Variants in PKIB observed in about 807,000 individuals in gnomAD.
PKIB encodes the protein PKI-beta.
Under a neutral mutation model 4.5 loss-of-function variants are expected in PKIB, and 2 were observed. The observed-to-expected ratio is 0.44, with a 90% CI of 0.18 to 1.39. PKIB has a LOEUF of 1.39. Among genes scored for constraint, PKIB ranks in the 40% most tolerant of loss-of-function variants. PKIB has a pLI of 0.27. For missense variants in PKIB, 94 were observed against 92.6 expected (o/e 1.02, Z -0.06); for synonymous variants, 38 against 36.0 (o/e 1.06, Z -0.20).
At chr6:122,482,309 A>G (rs890050603) in intron 2 of PKIB, 2 of 152,288 alleles carry the variant, frequency 1.3e-5, no homozygotes, top group Non-Finnish European at 2.9e-5. Context: ...GGGAGCTAGC[A>G]CTGAGAAAGG....
intron 2 of PKIB, among the ~76,000 whole-genome samples, chr6:122,533,544 C>T (rs550398434): frequency 5.9e-5 from 9 of 152,282 alleles, no homozygotes; most frequent in Admixed American, 3.9e-4. Flanking sequence ...ATGATTTTCT[C>T]TATTGTCTCA....
At chr6:122,518,204 TA>T (rs1157139416) in intron 2 of PKIB, among the ~76,000 whole-genome samples, 3 of 152,318 alleles carry the variant, frequency 2.0e-5, no homozygotes, top group Non-Finnish European at 4.4e-5. Context: ...CCCAACCATT[TA>T]AAAATGTAAA....
At chr6:122,500,618 A>G (rs912081115) in intron 2 of PKIB, among the ~76,000 whole-genome samples, 1 of 152,212 alleles carries the variant, frequency 6.6e-6, no homozygotes, top group African/African-American at 2.4e-5. Flanking sequence ...ATAGAATCCT[A>G]GATATGGCCA....
chr6:122,616,617 A>G (rs1387799183), intron 1 of PKIB, among the ~76,000 whole-genome samples: 1 of 152,178 alleles, frequency 6.6e-6, no homozygotes, highest in Admixed American at 6.5e-5. Flanking sequence ...GCTTTCCAAT[A>G]AAGGGGATTG....
chr6:122,543,355 C>CTTTTTTTTTT (rs34068830), intron 2 of PKIB, among the ~76,000 whole-genome samples: 1 of 138,806 alleles, frequency 7.2e-6, no homozygotes, highest in African/African-American at 2.7e-5. Context: ...CCACCCCCTC[C>CTTTTTTTTTT]TTTTTTTTTT....
chr6:122,630,115 T>C (rs1775635367), intron 1 of PKIB, among the ~76,000 whole-genome samples: 1 of 152,102 alleles, frequency 6.6e-6, no homozygotes, highest in South Asian at 2.1e-4. Context: ...ATCAAAACTA[T>C]TGTAAAAAAA....
chr6:122,676,858 A>G (rs999173604), intron 3 of PKIB, among the ~76,000 whole-genome samples: 1 of 152,184 alleles, frequency 6.6e-6, no homozygotes, highest in East Asian at 1.9e-4. Context: ...TTTCAGTTTC[A>G]TTGCATACAT....
At chr6:122,711,036 G>A (rs1779253995) in intron 3 of PKIB, among the ~76,000 whole-genome samples, 1 of 152,028 alleles carries the variant, frequency 6.6e-6, no homozygotes, top group Non-Finnish European at 1.5e-5. Flanking sequence ...ATAAAATGTA[G>A]ACAGTAGGGA....
rs1423921555 is a variant in PKIB at position 122,617,843 on chromosome 6, A to G, written c.-161+7308A>G. 2.6e-5 allele frequency among the ~76,000 whole-genome samples: 4 copies of G among 152,126 alleles called. No homozygotes were observed. The South Asian group carries it at 8.3e-4, about 31-fold the overall frequency. On this transcript the variant is annotated intron_variant, in intron 1 of 4. Transcript: ENST00000368452. ...AGATGTTTTTTATTTTAATTCTCACATGCATCCATAATTGTTTTAATATTG... is the reference window on the plus strand; with the variant it reads ...AGATGTTTTTTATTTTAATTCTCACGTGCATCCATAATTGTTTTAATATTG...
intron 2 of PKIB, among the ~76,000 whole-genome samples, chr6:122,532,977 G>A (rs970089428): frequency 6.6e-6 from 1 of 151,962 alleles, no homozygotes; most frequent in African/African-American, 2.4e-5. Context: ...GGACATTTGT[G>A]TATTTTCTTT....
At chr6:122,691,691 C>G in intron 3 of PKIB, among the ~76,000 whole-genome samples, 1 of 152,010 alleles carries the variant, frequency 6.6e-6, no homozygotes, top group East Asian at 1.9e-4. Context: ...GGATTGGTCC[C>G]TGGTAGCTTA....
At chr6:122,702,095 C>T (rs561647890) in intron 3 of PKIB, among the ~76,000 whole-genome samples, 1 of 152,214 alleles carries the variant, frequency 6.6e-6, no homozygotes, top group South Asian at 2.1e-4. Flanking sequence ...TTGACTTTGC[C>T]TTGGATGGAA....
chr6:122,700,716 T>G (rs2115025909), intron 3 of PKIB, among the ~76,000 whole-genome samples: 1 of 152,286 alleles, frequency 6.6e-6, no homozygotes, highest in Non-Finnish European at 1.5e-5. Context: ...ATATTTTGAG[T>G]TTTTAGCTAG....
chr6:122,674,715 A>G (rs972692009), intron 2 of PKIB, among the ~76,000 whole-genome samples: 3 of 152,174 alleles, frequency 2.0e-5, no homozygotes, highest in African/African-American at 7.2e-5. Context: ...TATCATGCCA[A>G]ATATTGTCCT....
intron 2 of PKIB, among the ~76,000 whole-genome samples, chr6:122,562,004 G>GTTTTTTTTTTTTTTTTGTTTTTTTTTT: frequency 1.3e-5 from 1 of 79,480 alleles, no homozygotes; most frequent in South Asian, 5.3e-4. Context: ...GTTTTTTTTT[G>GTTTTTTTTTTTTTTTTGTTTTTTTTTT]TTTTTTTTTT....
chr6:122,473,594 T>C (rs1287947326), intron 1 of PKIB, among the ~76,000 whole-genome samples: 1 of 152,314 alleles, frequency 6.6e-6, no homozygotes, highest in African/African-American at 2.4e-5. Context: ...CGACAGTATA[T>C]ATAGACTATT....
At chr6:122,606,184 G>T (rs911207872), upstream of PKIB, among the ~76,000 whole-genome samples, 3 of 152,190 alleles carry the variant, frequency 2.0e-5, no homozygotes, top group African/African-American at 7.2e-5. Context: ...GCCAACAGTA[G>T]AGAAGAAACA....
At chr6:122,700,547 A>G (rs994177767) in intron 3 of PKIB, among the ~76,000 whole-genome samples, 6 of 152,216 alleles carry the variant, frequency 3.9e-5, no homozygotes, top group South Asian at 4.1e-4. Context: ...TTATTGCAAC[A>G]GAGACATAGT....
intron 2 of PKIB, among the ~76,000 whole-genome samples, chr6:122,558,348 T>C (rs904679644): frequency 1.3e-5 from 2 of 152,178 alleles, no homozygotes; most frequent in Admixed American, 6.5e-5. Flanking sequence ...CTTTCCTCAA[T>C]AGGTTTAGCA....
Sources: allele counts gnomAD v4.1 joint callset (sites outside exome capture counted in the v4.1 genomes callset), GRCh38; gene constraint gnomAD v4.1.1; transcripts MANE v1.5; gene names NCBI Gene and HGNC (gene_info 2026-07-23, HGNC 2026-07-21).